The following UBR4 variants were observed in gnomAD, a reference collection of about 807,000 sequenced individuals.
UBR4 encodes E3 ubiquitin-protein ligase UBR4.
Under a neutral mutation model 575.6 loss-of-function variants are expected in UBR4, and 124 were observed. That is an observed-to-expected ratio of 0.22 (90% confidence interval 0.19 to 0.25). The LOEUF (loss-of-function observed/expected upper bound fraction) is 0.25, where lower values mean the gene tolerates loss of function less well. Ranked by LOEUF, UBR4 falls within the 10% of genes least tolerant of loss-of-function variation. The probability of loss-of-function intolerance (pLI) is 1.00; values close to 1 mark genes in which losing one functional copy is unlikely to be tolerated. For synonymous variants in UBR4, 2,455 were observed against 2,473.7 expected, an observed-to-expected ratio of 0.99 and a Z score of 0.22; for missense variants, 4,818 against 6,478.8, an observed-to-expected ratio of 0.74 and a Z score of 8.80.
At chr1:19,197,317 AAT>A (rs531650146) in intron 7 of UBR4, 52 bp from the exon 8 acceptor site, 401 of 1,610,786 alleles carry the variant, frequency 2.5e-4, no homozygotes, top group Non-Finnish European at 3.1e-4. Context: ...TCACTTCTAT[AAT>A]GTGACAGTTA....
chr1:19,154,665 T>G (rs1034585645), intron 44 of UBR4, among the ~76,000 whole-genome samples: 6 of 152,352 alleles, frequency 3.9e-5, no homozygotes, highest in African/African-American at 1.4e-4. Flanking sequence ...GTTTTCCTTC[T>G]GAGTAACAGT....
intron 20 of UBR4, 149 bp from the exon 21 acceptor site, chr1:19,175,182 G>C: frequency 1.3e-6 from 1 of 744,336 alleles, no homozygotes; most frequent in South Asian, 2.0e-5. Context: ...TTTGCTGTGG[G>C]AGGCCATCTT....
In UBR4 at chr1:19,110,395, G is replaced by T. The variant is rs1329388623; in HGVS notation, c.11962C>A (p.Leu3988Ile). 7.4e-6 allele frequency: 12 copies of T among 1,614,166 alleles called. No individual in the cohort carries two copies. The highest frequency in any genetic ancestry group is 9.3e-6 in the Non-Finnish European group (11 of 1,180,028). Residue 3988 changes from leucine (L) to isoleucine (I), a missense_variant, in exon 80 of 106, where the codon CTC becomes ATC. By Grantham distance (5) the Leu-to-Ile change is conservative. Around this residue, in one of 29 missense-constraint regions of UBR4, gnomAD observed 333 missense variants for 459.2 expected, o/e 0.73. Transcript: ENST00000375254. This position sits in a 1 kb window ranked among gnomAD's most constrained non-coding sequence, Gnocchi z 4.5. ...SISKEDSCWE[L>I]RLRCALSLFL... Reference sequence around the variant, plus strand: ...CCTAACTCACCACAGCGTAACCGGAGCTCCCAGCAGCTGTCCTCCTTGGAG... The same window carrying T: ...CCTAACTCACCACAGCGTAACCGGATCTCCCAGCAGCTGTCCTCCTTGGAG...
chr1:19,153,226 A>C lies in UBR4; in HGVS notation c.6832+75T>G. 3 of 1,462,508 alleles carry C rather than the reference A, an allele frequency of 2.1e-6. No individual in the cohort carries two copies. The highest frequency in any genetic ancestry group is 1.9e-6 in the Non-Finnish European group (2 of 1,052,224). 90.6% of individuals were successfully genotyped at this position (1,462,508 alleles called of 1,614,324 possible). ...TCACATTTCTTCACAGATATTTTCA[A>C]CAGTCTATTCTGAGTCACTGTCTAG... On this transcript the variant is annotated intron_variant, in intron 46 of 105. Transcript: ENST00000375254. The surrounding 1 kb of genome is among the most constrained non-coding windows in gnomAD (Gnocchi z 4.1).
intron 51 of UBR4, 133 bp downstream of exon 51, chr1:19,147,860 G>A (rs2085083962): frequency 6.6e-6 from 9 of 1,358,562 alleles, no homozygotes; most frequent in Non-Finnish European, 7.8e-6. Context: ...GAGAAACTCT[G>A]TAAAATGTAG....
intron 42 of UBR4, 89 bp downstream of exon 42, chr1:19,156,182 T>C (rs2086427590): frequency 6.5e-7 from 1 of 1,528,554 alleles, no homozygotes; most frequent in South Asian, 1.3e-5. Context: ...CTGATTTTTT[T>C]AACTCCTGGG....
chr1:19,141,510 G>A lies in UBR4; in HGVS notation c.8325C>T (p.Val2775=), dbSNP rs527428603. 2.5e-6 allele frequency: 4 copies of A among 1,609,010 alleles called. No individual in the cohort carries two copies. In the East Asian group the frequency reaches 6.7e-5, roughly 27 times the overall value. Residue 2775 remains valine, a synonymous_variant, in exon 57 of 106, where the codon GTC becomes GTT. Coordinates refer to ENST00000375254, the MANE Select transcript of UBR4 (RefSeq NM_020765.3). ...TGTTGACATTTTCAGCTGTCTCCAG[G>A]ACCATCGACTCAGACTGCAGAGAGA... ...GDFEMVSESM[V]LETAENVNNG...
Position 19,197,587 on chromosome 1 carries a change from C to G in UBR4, c.893+83G>C, listed in dbSNP as rs1348884642. On this transcript the variant is annotated intron_variant, in intron 7 of 105. Coordinates refer to ENST00000375254, the MANE Select transcript of UBR4 (RefSeq NM_020765.3). ...GGTTACAGTGAACCGAGACTGCACC[C>G]CTGCACTCCAGCCTGGGTGACAGAA... 11 of 1,552,800 alleles carry G rather than the reference C, an allele frequency of 7.1e-6. No individual in the cohort carries two copies. The Admixed American group carries it at 9.1e-5, about 13-fold the overall frequency.
intron 17 of UBR4, among the ~76,000 whole-genome samples, chr1:19,179,733 C>G (rs2090677075): frequency 6.6e-6 from 1 of 152,218 alleles, no homozygotes; most frequent in Non-Finnish European, 1.5e-5. Flanking sequence ...TTCTTCACCT[C>G]CAGGTGGAGC....
At chr1:19,086,466 G>C (rs948687953) in intron 100 of UBR4, among the ~76,000 whole-genome samples, 196 bp from the exon 101 acceptor site, 1 of 152,226 alleles carries the variant, frequency 6.6e-6, no homozygotes, top group Non-Finnish European at 1.5e-5. Flanking sequence ...GACTCAGGTA[G>C]GCAGGGCTGT....
At chr1:19,098,118 G>A (rs2078241545) in intron 90 of UBR4, among the ~76,000 whole-genome samples, 1 of 152,238 alleles carries the variant, frequency 6.6e-6, no homozygotes, top group Non-Finnish European at 1.5e-5. Context: ...CTGCCTCCAA[G>A]TCTATGCTGA....
rs2077782560 is a variant in UBR4 at position 19,093,983 on chromosome 1, C to T, written c.13903G>A (p.Val4635Met). Residue 4635 changes from valine to methionine, a missense_variant, in exon 95 of 106, where the codon GTG (valine) becomes ATG (methionine). This residue lies in a region of UBR4 where 165 missense variants were observed against 282.3 expected (regional missense o/e 0.58). Transcript: ENST00000375254. This position sits in a 1 kb window ranked among gnomAD's most constrained non-coding sequence, Gnocchi z 4.8. ...TTGCAGTATGGTTTGAATCGCTCCA[C>T]CAAGATCTGCATTTTCTCCACCTCT... Reference protein sequence around the residue: ...FGEVEKMQILVERFKPYCNFD... With the variant: ...FGEVEKMQILMERFKPYCNFD... The T allele has an allele frequency of 6.2e-7, 1 of 1,614,082 alleles. No individual in the cohort carries two copies. Among genetic ancestry groups the T allele is most frequent in the Non-Finnish European group, 8.5e-7 (1 of 1,179,988 alleles).
rs556106694 is a variant in UBR4, at chr1:19,157,692, A to G, written c.5760+123T>C. 1.5e-4 allele frequency: 193 copies of G among 1,252,430 alleles called. No homozygotes were observed. The highest frequency in any genetic ancestry group is 2.0e-4 in the Non-Finnish European group (180 of 913,360). The allele number at this position is 1,252,430 out of a possible 1,614,324, so 77.6% of individuals were successfully genotyped here. On this transcript the variant is annotated intron_variant, in intron 40 of 105. Transcript: ENST00000375254. This position sits in a 1 kb window ranked among gnomAD's most constrained non-coding sequence, Gnocchi z 4.4. ...GCTCAACAAGATCTGTCCCTGAAGC[A>G]TTCTTAGAACGCAGTGGACTTTTTC...
At chr1:19,174,275 G>A (rs531892417) in intron 22 of UBR4, 44 bp downstream of exon 22, 21 of 1,567,328 alleles carry the variant, frequency 1.3e-5, no homozygotes, top group Non-Finnish European at 1.5e-5. Context: ...AATGATCAAT[G>A]ATCAAACACA....
At position 19,115,641 on chromosome 1, in the gene UBR4, G is replaced by C. The variant is rs1339297663; in HGVS notation, c.10824-4C>G. On this transcript the variant is annotated splice_polypyrimidine_tract_variant and splice_region_variant and intron_variant, in intron 73 of 105. Coordinates refer to ENST00000375254, the MANE Select transcript of UBR4 (RefSeq NM_020765.3). ...GGCTTTGTGCCAGCGAGCTGGCCTA[G>C]GAAAGACAGACAGCCTTGAGATTTT... is the stretch of plus-strand genomic sequence containing the variant. The C allele has an allele frequency of 1.9e-6, 3 of 1,613,894 alleles. No individual in the cohort carries two copies. Among genetic ancestry groups the C allele is most frequent in the Non-Finnish European group, 2.5e-6 (3 of 1,179,880 alleles).
chr1:19,077,921 T>C, intron 104 of UBR4, 55 bp downstream of exon 104: 2 of 1,612,152 alleles, frequency 1.2e-6, no homozygotes, highest in Non-Finnish European at 1.7e-6. Context: ...GGGACAGGAG[T>C]GCAGACATTT....
chr1:19,205,187 G>A (rs1410088250), intron 1 of UBR4, among the ~76,000 whole-genome samples: 1 of 152,204 alleles, frequency 6.6e-6, no homozygotes, highest in Non-Finnish European at 1.5e-5. Context: ...AAATAAATGT[G>A]ATGCAGAGTA....
chr1:19,147,925 C>T, intron 51 of UBR4, 68 bp downstream of exon 51: 2 of 1,572,714 alleles, frequency 1.3e-6, no homozygotes, highest in South Asian at 2.3e-5. Flanking sequence ...TGTTGCTTTA[C>T]AATGAAAAGC....
Position 19,093,302 on chromosome 1 carries a change from G to A in UBR4, c.14111+11C>T, listed in dbSNP as rs984580176. On this transcript the variant is annotated intron_variant, in intron 96 of 105. Transcript: ENST00000375254. The surrounding 1 kb of genome is among the most constrained non-coding windows in gnomAD (Gnocchi z 4.8). ...AAGGCAAAGCAGCCCCGCTGCGGGAGGGCTTCATACTTCTTGGCGCTAGGG... is the reference window on the plus strand; with the variant it reads ...AAGGCAAAGCAGCCCCGCTGCGGGAAGGCTTCATACTTCTTGGCGCTAGGG... 2 of 1,610,578 alleles carry A rather than the reference G, an allele frequency of 1.2e-6. No homozygotes were observed. The highest frequency in any genetic ancestry group is 2.7e-5 in the African/African-American group (2 of 74,792).
Sources: gnomAD v4.1 joint callset for allele counts (sites outside exome capture counted in the v4.1 genomes callset) on GRCh38, gnomAD v4.1.1 for gene constraint, gnomAD v4.1.1 regional missense constraint, Gnocchi (gnomAD v3.1) non-coding constraint, MANE v1.5 for transcripts, NCBI Gene and HGNC (gene_info 2026-07-23, HGNC 2026-07-21) for gene names.